Variants in SNX30 observed in about 807,000 individuals in gnomAD.
SNX30 encodes the protein sorting nexin-30.
SNX30 carries 24 observed loss-of-function variants against 46.4 expected under a neutral mutation model. The observed-to-expected ratio is 0.52, with a 90% CI of 0.37 to 0.73. The LOEUF is 0.73. SNX30 is among the 30% of genes least tolerant of loss of function. SNX30 has a pLI of 0.00. For synonymous variants in SNX30, 189 were observed against 211.5 expected, an observed-to-expected ratio of 0.89 and a Z score of 0.92; for missense variants, 533 against 555.7, an observed-to-expected ratio of 0.96 and a Z score of 0.41.
chr9:112,877,590 A>G (rs1400430342), downstream of SNX30: 1 of 152,518 alleles, frequency 6.6e-6, no homozygotes, highest in Admixed American at 6.5e-5. Context: ...TCTGGCCTCC[A>G]TCTACCTCAC....
At chr9:112,832,483 T>A (rs796501663) in intron 4 of SNX30, among the ~76,000 whole-genome samples, 4,384 of 81,524 alleles carry the variant, frequency 0.054, 241 homozygotes, top group African/African-American at 0.13. Context: ...TGTGTGTGTG[T>A]GTGTGTGTGT....
At chr9:112,805,813 T>C (rs1840216777) in intron 2 of SNX30, among the ~76,000 whole-genome samples, 1 of 152,222 alleles carries the variant, frequency 6.6e-6, no homozygotes, top group South Asian at 2.1e-4. Flanking sequence ...GTTACAATTT[T>C]TCAGATGAAG....
intron 5 of SNX30, among the ~76,000 whole-genome samples, chr9:112,837,778 G>T (rs1840782466): frequency 6.6e-6 from 1 of 150,762 alleles, no homozygotes; most frequent in African/African-American, 2.4e-5. Context: ...CCTGGCCCCT[G>T]ATTTTATTTT....
chr9:112,774,908 C>T (rs535852070), intron 1 of SNX30, among the ~76,000 whole-genome samples: 27 of 148,374 alleles, frequency 1.8e-4, no homozygotes, highest in Admixed American at 8.8e-4. Flanking sequence ...GCAGTGGCGC[C>T]GTCTCGACTC....
At chr9:112,783,751 T>C (rs1839879674) in intron 1 of SNX30, among the ~76,000 whole-genome samples, 1 of 152,200 alleles carries the variant, frequency 6.6e-6, no homozygotes, top group East Asian at 1.9e-4. Flanking sequence ...AAATGGACTA[T>C]GGTCAAGATT....
At chr9:112,875,754 A>G (rs140982841), downstream of SNX30, 1 of 152,356 alleles carries the variant, frequency 6.6e-6, no homozygotes, top group East Asian at 1.9e-4. Flanking sequence ...ATTAAGGATA[A>G]CAATCCTTCA....
downstream of SNX30, chr9:112,879,933 G>A (rs1304448361): frequency 1.1e-5 from 10 of 941,386 alleles, no homozygotes; most frequent in East Asian, 7.4e-5. Context: ...AAAATCATAG[G>A]TAGGCATTGA....
At chr9:112,840,456 CTT>C (rs1564287929) in intron 6 of SNX30, among the ~76,000 whole-genome samples, 1 of 152,168 alleles carries the variant, frequency 6.6e-6, no homozygotes, top group Non-Finnish European at 1.5e-5. Context: ...GAATATTTCA[CTT>C]ATCAAACTAA....
At chr9:112,814,361 G>A (rs1009412225) in intron 2 of SNX30, among the ~76,000 whole-genome samples, 63 of 152,168 alleles carry the variant, frequency 4.1e-4, no homozygotes, top group African/African-American at 1.5e-3. Context: ...CCACCTCAGC[G>A]TCCTGAGTAG....
intron 1 of SNX30, among the ~76,000 whole-genome samples, chr9:112,791,256 C>T (rs1464203580): frequency 1.3e-5 from 2 of 152,122 alleles, no homozygotes; most frequent in African/African-American, 4.8e-5. Context: ...TTCTGTCTCT[C>T]AGGATTTGCC....
At chr9:112,846,100 T>G (rs1454254136) in intron 6 of SNX30, among the ~76,000 whole-genome samples, 2 of 152,054 alleles carry the variant, frequency 1.3e-5, no homozygotes, top group African/African-American at 2.4e-5. Flanking sequence ...AAGAAAAAGT[T>G]AAGCAAGTCA....
intron 2 of SNX30, among the ~76,000 whole-genome samples, chr9:112,814,842 A>G (rs1028866031): frequency 6.6e-6 from 1 of 152,228 alleles, no homozygotes; most frequent in East Asian, 1.9e-4. Context: ...GAGGTGCTCA[A>G]TGGTGTTTAC....
At chr9:112,749,963 A>C (rs1030104081), upstream of SNX30, among the ~76,000 whole-genome samples, 4 of 152,238 alleles carry the variant, frequency 2.6e-5, no homozygotes, top group African/African-American at 9.6e-5. Context: ...CTACACCCCA[A>C]AGGGCTGGAA....
At chr9:112,749,858 C>T (rs903038338), upstream of SNX30, among the ~76,000 whole-genome samples, 1 of 152,122 alleles carries the variant, frequency 6.6e-6, no homozygotes, top group Admixed American at 6.5e-5. Flanking sequence ...AGCCTCCCTA[C>T]CCATTACTTT....
At chr9:112,754,282 A>G (rs947609) in intron 1 of SNX30, among the ~76,000 whole-genome samples, 143,301 of 152,232 alleles carry the variant, frequency 0.94, 67,552 homozygotes, top group East Asian at 1. Context: ...CTCTCCACCA[A>G]TTTCTCAAAT....
At chr9:112,772,188 G>A (rs1178442488) in intron 1 of SNX30, among the ~76,000 whole-genome samples, 1 of 152,100 alleles carries the variant, frequency 6.6e-6, no homozygotes, top group African/African-American at 2.4e-5. Context: ...TCTAGTGAGG[G>A]GTTACTCTAG....
At chr9:112,785,174 G>A (rs559158584) in intron 1 of SNX30, among the ~76,000 whole-genome samples, 34 of 152,188 alleles carry the variant, frequency 2.2e-4, no homozygotes, top group Admixed American at 5.2e-4. Flanking sequence ...ATTACTTGAA[G>A]AAGGTTGCTT....
intron 5 of SNX30, 85 bp from the exon 6 acceptor site, chr9:112,838,413 G>A: frequency 8.9e-7 from 1 of 1,128,446 alleles, no homozygotes; most frequent in Non-Finnish European, 1.3e-6. Flanking sequence ...CATGTAGAGA[G>A]CTCTTGGCTG....
chr9:112,813,328 A>T (rs1840347940), intron 2 of SNX30, among the ~76,000 whole-genome samples: 1 of 151,922 alleles, frequency 6.6e-6, no homozygotes, highest in East Asian at 1.9e-4. Flanking sequence ...AAACCACCAA[A>T]AATCAGCCAG....
Sources: allele counts gnomAD v4.1 joint callset (sites outside exome capture counted in the v4.1 genomes callset), GRCh38; gene constraint gnomAD v4.1.1; transcripts MANE v1.5; gene names NCBI Gene and HGNC (gene_info 2026-07-23, HGNC 2026-07-21).